The following FANCC variants were observed in gnomAD, a reference collection of about 807,000 sequenced individuals.
FANCC encodes the protein FA complementation group C, also known as Fanconi anemia group C protein.
A neutral mutation model predicts 71.3 loss-of-function variants in FANCC; 55 were observed. The ratio of observed to expected loss-of-function variants is 0.77; its 90% confidence interval spans 0.62 to 0.97. The LOEUF is 0.97. FANCC is among the 50% of genes least tolerant of loss of function. FANCC has a pLI of 0.00. For missense variants in FANCC, 678 were observed against 670.9 expected (o/e 1.01, Z -0.12); for synonymous variants, 275 against 244.9 (o/e 1.12, Z -1.15).
At chr9:95,213,728 C>T (rs1447346286) in intron 4 of FANCC, among the ~76,000 whole-genome samples, 1 of 152,104 alleles carries the variant, frequency 6.6e-6, no homozygotes, top group Non-Finnish European at 1.5e-5. Flanking sequence ...TAGGGCAAAG[C>T]TTTATGACAA....
intron 1 of FANCC, among the ~76,000 whole-genome samples, chr9:95,315,829 C>T (rs575023087): frequency 1.3e-5 from 2 of 152,226 alleles, no homozygotes; most frequent in Admixed American, 1.3e-4. Flanking sequence ...GCTGGCCTCC[C>T]TGTAGCTGGT....
chr9:95,163,110 T>C (rs139235795), intron 6 of FANCC, among the ~76,000 whole-genome samples: 50 of 152,350 alleles, frequency 3.3e-4, no homozygotes, highest in African/African-American at 1.1e-3. Flanking sequence ...TTAGTTTTTA[T>C]ATATAATGAA....
chr9:95,287,228 CCA>C lies in FANCC; in HGVS notation c.-79+30296_-79+30297del, dbSNP rs202123736. 3.3e-3 allele frequency among the ~76,000 whole-genome samples: 504 copies of C among 152,224 alleles called. 7 individuals are homozygous for C. The East Asian group carries it at 0.043, about 13-fold the overall frequency. ...ACCAAGAAACATACCATGTGCTCAT[CCA>C]CATGGTATGTCAGTTTTTTATTGTT... On this transcript the variant is annotated intron_variant, in intron 1 of 14. Transcript: ENST00000289081.
chr9:95,284,976 T>C (rs1833603379), intron 1 of FANCC, among the ~76,000 whole-genome samples: 1 of 148,508 alleles, frequency 6.7e-6, no homozygotes, highest in African/African-American at 2.5e-5. Flanking sequence ...AGCCAAGGAA[T>C]AAGGGAGAAA....
chr9:95,275,101 G>A (rs1236542351), intron 1 of FANCC, among the ~76,000 whole-genome samples: 27 of 143,048 alleles, frequency 1.9e-4, no homozygotes. Context: ...CCAAGACCCT[G>A]TCTCTACAAA....
At position 95,107,824 on chromosome 9, in the gene FANCC, G is replaced by A. The variant is rs567148263; in HGVS notation, c.1330-555C>T. On this transcript the variant is annotated intron_variant, in intron 13 of 14. Coordinates refer to ENST00000289081, the MANE Select transcript of FANCC (RefSeq NM_000136.3). ...CAAGAACACATTTGTTTTAGATGCCGGAACAATCTGTTCATACGTGTTTAA... is the reference window on the plus strand; with the variant it reads ...CAAGAACACATTTGTTTTAGATGCCAGAACAATCTGTTCATACGTGTTTAA... 1.6e-4 allele frequency among the ~76,000 whole-genome samples: 24 copies of A among 152,204 alleles called. No homozygotes were observed. The South Asian group carries it at 2.9e-3, about 18-fold the overall frequency.
intron 6 of FANCC, among the ~76,000 whole-genome samples, chr9:95,154,547 T>C (rs1251157164): frequency 6.6e-6 from 1 of 152,206 alleles, no homozygotes; most frequent in Non-Finnish European, 1.5e-5. Flanking sequence ...ATTATCTGCA[T>C]ACATAAATCT....
chr9:95,284,822 G>A (rs1281737494), intron 1 of FANCC, among the ~76,000 whole-genome samples: 1 of 151,226 alleles, frequency 6.6e-6, no homozygotes, highest in African/African-American at 2.4e-5. Context: ...AATAACACAG[G>A]AAAGTATCAT....
intron 4 of FANCC, among the ~76,000 whole-genome samples, chr9:95,176,992 G>A (rs1274720467): frequency 6.6e-6 from 1 of 152,178 alleles, no homozygotes; most frequent in Non-Finnish European, 1.5e-5. Flanking sequence ...TGAGATGAGA[G>A]ATTGTAAATA....
In FANCC at chr9:95,100,678, T is replaced by C. The variant is rs2071042653; in HGVS notation, c.*1029A>G. 1 of 229,212 alleles carries C rather than the reference T, an allele frequency of 4.4e-6. No individual in the cohort carries two copies. Among genetic ancestry groups the C allele is most frequent in the Non-Finnish European group, 8.7e-6 (1 of 115,498 alleles). 14.2% of individuals were successfully genotyped at this position (229,212 alleles called of 1,614,324 possible). On this transcript the variant is annotated 3_prime_UTR_variant, in exon 15 of 15. Transcript: ENST00000289081. Reference sequence around the variant, plus strand: ...GATGGTCTCGCTCTGTTGCCCAGGCTGGAGTGCAGTGTCATGATCTCGGCT... The same window carrying C: ...GATGGTCTCGCTCTGTTGCCCAGGCCGGAGTGCAGTGTCATGATCTCGGCT...
chr9:95,300,567 C>G (rs941506373), intron 1 of FANCC, among the ~76,000 whole-genome samples: 1 of 152,038 alleles, frequency 6.6e-6, no homozygotes, highest in Non-Finnish European at 1.5e-5. Flanking sequence ...TCTCTTGCCT[C>G]AGCCTCCTGA....
chr9:95,243,245 G>A (rs965449291), intron 3 of FANCC, among the ~76,000 whole-genome samples: 1 of 152,182 alleles, frequency 6.6e-6, no homozygotes, highest in African/African-American at 2.4e-5. Flanking sequence ...TGAGGGCAGA[G>A]TTAGAAGCAA....
intron 4 of FANCC, among the ~76,000 whole-genome samples, chr9:95,204,241 T>C (rs1204556861): frequency 6.6e-6 from 1 of 152,234 alleles, no homozygotes; most frequent in Admixed American, 6.5e-5. Context: ...ATAGAACATT[T>C]AGTCTTCTAG....
intron 13 of FANCC, chr9:95,107,471 G>A (rs1483035676): frequency 1.3e-5 from 8 of 638,702 alleles, no homozygotes; most frequent in Admixed American, 5.0e-5. Flanking sequence ...ACTTTCTTTC[G>A]TCTTGCTCAC....
At chr9:95,159,021 A>AT (rs957965543) in intron 6 of FANCC, among the ~76,000 whole-genome samples, 1 of 151,932 alleles carries the variant, frequency 6.6e-6, no homozygotes, top group Non-Finnish European at 1.5e-5. Flanking sequence ...TGATGGAAGA[A>AT]TTTTTTTTGA....
At chr9:95,238,896 C>T (rs1830476240) in intron 4 of FANCC, among the ~76,000 whole-genome samples, 1 of 152,164 alleles carries the variant, frequency 6.6e-6, no homozygotes, top group Non-Finnish European at 1.5e-5. Flanking sequence ...GGCTGCCCCA[C>T]TGTCATCAAG....
chr9:95,233,648 G>A (rs4237226), intron 4 of FANCC, among the ~76,000 whole-genome samples: 2 of 152,128 alleles, frequency 1.3e-5, no homozygotes, highest in Admixed American at 1.3e-4. Context: ...GGAGATATTA[G>A]GGTTGAGAAA....
intron 7 of FANCC, among the ~76,000 whole-genome samples, chr9:95,137,007 T>A (rs1313971796): frequency 6.6e-6 from 1 of 151,980 alleles, no homozygotes; most frequent in African/African-American, 2.4e-5. Context: ...TCCCAGTGGG[T>A]GCTTTTCAAA....
At chr9:95,267,969 A>G (rs1019185952) in intron 1 of FANCC, among the ~76,000 whole-genome samples, 1 of 152,212 alleles carries the variant, frequency 6.6e-6, no homozygotes, top group African/African-American at 2.4e-5. Flanking sequence ...GCAGCAGCAC[A>G]GCTCAGGAGC....
Sources: gnomAD v4.1 joint callset for allele counts (sites outside exome capture counted in the v4.1 genomes callset) on GRCh38, gnomAD v4.1.1 for gene constraint, MANE v1.5 for transcripts, NCBI Gene and HGNC (gene_info 2026-07-23, HGNC 2026-07-21) for gene names.